PECAM1: variants seen among roughly 807,000 people sequenced by gnomAD.
PECAM1 encodes platelet and endothelial cell adhesion molecule 1.
In PECAM1, 8 loss-of-function variants were observed where a neutral mutation model predicts 13.8. That is an observed-to-expected ratio of 0.58 (90% CI 0.34 to 1.05). The LOEUF is 1.05. PECAM1 is among the 50% of genes least tolerant of loss of function. The pLI is 0.03. For synonymous variants in PECAM1, 136 were observed against 52.6 expected, an observed-to-expected ratio of 2.58 and a Z score of -6.86; for missense variants, 304 against 141.2, an observed-to-expected ratio of 2.15 and a Z score of -5.84.
chr17:64,360,362 C>T lies in PECAM1; in HGVS notation c.1270G>A (p.Gly424Arg). The T allele has an allele frequency of 2.1e-6, 1 of 475,362 alleles. No individual in the cohort carries two copies. 29.4% of individuals were successfully genotyped at this position (475,362 alleles called of 1,614,324 possible). ...SYDAQFEVIK[G>R]QTIEVRCESI... The stretch of plus-strand genomic sequence containing the variant: ...TCGCAACGGACTTCGATGGTCTGTC[C>T]TTTTATGACCTCAAACTGGGCATCA... Residue 424 changes from glycine to arginine, a missense_variant, in exon 7 of 16, where the codon GGA (glycine) becomes AGA (arginine). Gly to Arg is a moderately radical substitution (Grantham distance 125, BLOSUM62 -2). Transcript: ENST00000563924.
At chr17:64,350,529 A>T (rs2035694250) in intron 11 of PECAM1, 96 bp from the exon 12 acceptor site, 1 of 405,344 alleles carries the variant, frequency 2.5e-6, no homozygotes, top group African/African-American at 2.1e-5. Flanking sequence ...GTCAAGCCTG[A>T]TTTATTCAGT....
intron 15 of PECAM1, among the ~76,000 whole-genome samples, chr17:64,328,706 G>C (rs533339939): frequency 6.6e-6 from 1 of 152,208 alleles, no homozygotes; most frequent in East Asian, 1.9e-4. Flanking sequence ...AGGAAGCCAG[G>C]GGCCCACTGG....
At chr17:64,362,873 G>C (rs2036018729) in intron 6 of PECAM1, among the ~76,000 whole-genome samples, 1 of 151,702 alleles carries the variant, frequency 6.6e-6, no homozygotes, top group Non-Finnish European at 1.5e-5. Flanking sequence ...CATTGACTAA[G>C]TAGTGTTTCC....
At chr17:64,387,576 G>A (rs1340219080) in intron 2 of PECAM1, among the ~76,000 whole-genome samples, 3 of 152,154 alleles carry the variant, frequency 2.0e-5, no homozygotes, top group Non-Finnish European at 4.4e-5. Context: ...TGGGGTCCTG[G>A]GGGTGAGGAA....
rs2035846663 is a variant in PECAM1, at chr17:64,356,385, C to G, written c.1506G>C (p.Glu502Asp). 2.1e-6 allele frequency: 1 copy of G among 468,488 alleles called. No individual in the cohort carries two copies. The highest frequency in any genetic ancestry group is 3.9e-6 in the Non-Finnish European group (1 of 256,148). 29.0% of individuals were successfully genotyped at this position (468,488 alleles called of 1,614,324 possible). Reference protein sequence around the residue: ...LRVKVIAPVDEVQISILSSKV... With the variant: ...LRVKVIAPVDDVQISILSSKV... ...TACTTGACAGGATAGAAATCTGGACCTCATCCACCGGGGCTGAAAAGCAGG... is the reference window on the plus strand; with the variant it reads ...TACTTGACAGGATAGAAATCTGGACGTCATCCACCGGGGCTGAAAAGCAGG... The change falls in exon 8 of 16, where the codon GAG (glutamate) becomes GAC (aspartate). Residue 502 changes from glutamate to aspartate, a missense_variant. Glu to Asp is a conservative substitution (Grantham distance 45, BLOSUM62 2). Coordinates refer to ENST00000563924, the MANE Select transcript of PECAM1 (RefSeq NM_000442.5).
In PECAM1 at chr17:64,323,653, C is replaced by T. The variant is rs2034862271; in HGVS notation, c.*163G>A. On this transcript the variant is annotated 3_prime_UTR_variant, in exon 16 of 16. Coordinates refer to ENST00000563924, the MANE Select transcript of PECAM1 (RefSeq NM_000442.5). ...CTCTTTCTACCCAACATTAACTTAGCAGGATGGATTTAAGAACCGGCAGCT... is the reference window on the plus strand; with the variant it reads ...CTCTTTCTACCCAACATTAACTTAGTAGGATGGATTTAAGAACCGGCAGCT... 6.7e-7 allele frequency: 1 copy of T among 1,486,750 alleles called. No individual in the cohort carries two copies. Among genetic ancestry groups the T allele is most frequent in the Non-Finnish European group, 8.9e-7 (1 of 1,119,102 alleles). 92.1% of individuals were successfully genotyped at this position (1,486,750 alleles called of 1,614,324 possible).
At chr17:64,388,530 A>G (rs2036649220) in intron 2 of PECAM1, among the ~76,000 whole-genome samples, 1 of 152,224 alleles carries the variant, frequency 6.6e-6, no homozygotes, top group Non-Finnish European at 1.5e-5. Context: ...AACAAATCAA[A>G]GAGCTTAAGT....
rs12150420 is a variant in PECAM1, at chr17:64,346,012, G to T, written c.2107+2248C>A. 4.2e-3 allele frequency among the ~76,000 whole-genome samples: 639 copies of T among 152,300 alleles called. 5 individuals are homozygous for T. The highest frequency in any genetic ancestry group is 6.3e-3 in the Non-Finnish European group (429 of 68,024). On this transcript the variant is annotated intron_variant, in intron 13 of 15. Coordinates refer to ENST00000563924, the MANE Select transcript of PECAM1 (RefSeq NM_000442.5). ...ACTCCTCCCAGATCATGGAGCAAGG[G>T]GTGATTTCAGGACCCCATTGCCATG... is the stretch of plus-strand genomic sequence containing the variant.
intron 10 of PECAM1, among the ~76,000 whole-genome samples, 196 bp from the exon 11 acceptor site, chr17:64,352,659 C>CTTT (rs1194634725): frequency 2.1e-5 from 3 of 146,288 alleles, no homozygotes; most frequent in Non-Finnish European, 4.5e-5. Flanking sequence ...TGTAAAAAAA[C>CTTT]TTTTTTTTTT....
rs2035842114 is a variant in PECAM1, at chr17:64,356,189, C to T, written c.1702G>A (p.Gly568Arg). 2 of 474,828 alleles carry T rather than the reference C, an allele frequency of 4.2e-6. No homozygotes were observed. The highest frequency in any genetic ancestry group is 7.7e-6 in the Non-Finnish European group (2 of 259,030). The allele number at this position is 474,828 out of a possible 1,614,324, so 29.4% of individuals were successfully genotyped here. A position where few individuals can be genotyped will look rare whatever the true frequency, so the allele number is the denominator to read the frequency against. The change falls in exon 8 of 16, where the codon GGA becomes AGA. Residue 568 changes from glycine (G) to arginine (R), a missense_variant. Coordinates refer to ENST00000563924, the MANE Select transcript of PECAM1 (RefSeq NM_000442.5). Reference protein sequence around the residue: ...TKQKASKEQEGEYYCTAFNRA... With the variant: ...TKQKASKEQEREYYCTAFNRA... ...TTGAAGGCTGTGCAGTAATACTCTC[C>T]CTCCTGTTCCTTGCTAGCCTTCTGC...
chr17:64,333,108 G>A (rs991912430), intron 14 of PECAM1, among the ~76,000 whole-genome samples: 1 of 152,316 alleles, frequency 6.6e-6, no homozygotes, highest in Admixed American at 6.5e-5. Context: ...AACCAAGATC[G>A]TGCTATTGCA....
chr17:64,342,446 C>T (rs1027168968), intron 13 of PECAM1, among the ~76,000 whole-genome samples: 3 of 152,178 alleles, frequency 2.0e-5, no homozygotes, highest in African/African-American at 7.2e-5. Context: ...GGATCCAGAA[C>T]GAGATCCTGA....
At chr17:64,327,612 C>G (rs1206046105) in intron 15 of PECAM1, among the ~76,000 whole-genome samples, 1 of 152,192 alleles carries the variant, frequency 6.6e-6, no homozygotes, top group Non-Finnish European at 1.5e-5. Context: ...CTCACAAGTC[C>G]AGATTCACCC....
At chr17:64,368,335 G>C (rs1294219519) in intron 5 of PECAM1, among the ~76,000 whole-genome samples, 3 of 152,148 alleles carry the variant, frequency 2.0e-5, no homozygotes, top group Non-Finnish European at 4.4e-5. Context: ...AAGTACTTTA[G>C]AGGGAAATAA....
At chr17:64,364,313 GA>G (rs2036052814) in intron 5 of PECAM1, among the ~76,000 whole-genome samples, 1 of 152,082 alleles carries the variant, frequency 6.6e-6, no homozygotes, top group Non-Finnish European at 1.5e-5. Context: ...AACGGGATCT[GA>G]AATTGTGGCA....
intron 2 of PECAM1, among the ~76,000 whole-genome samples, chr17:64,389,729 C>CA (rs2036674913): frequency 1.3e-5 from 2 of 152,022 alleles, no homozygotes; most frequent in Admixed American, 6.6e-5. Context: ...CTCCCCATCC[C>CA]AAAAAACAGC....
chr17:64,381,683 G>A (rs2036483785), intron 2 of PECAM1, among the ~76,000 whole-genome samples: 1 of 152,190 alleles, frequency 6.6e-6, no homozygotes, highest in African/African-American at 2.4e-5. Context: ...ATGAAACAAG[G>A]TGACGGTTTA....
At chr17:64,329,631 T>C (rs569551699) in intron 15 of PECAM1, 69 bp downstream of exon 15, 27 of 720,082 alleles carry the variant, frequency 3.7e-5, no homozygotes, top group South Asian at 3.4e-4. Flanking sequence ...AGGACGTGGG[T>C]GAGTCTGGAA....
At chr17:64,390,229 A>G (rs2036686874) in intron 2 of PECAM1, 1 of 386,980 alleles carries the variant, frequency 2.6e-6, no homozygotes, top group South Asian at 1.4e-4. Flanking sequence ...TGACTAAACA[A>G]TTCATCAAGA....
Sources: allele counts gnomAD v4.1 joint callset (sites outside exome capture counted in the v4.1 genomes callset), GRCh38; gene constraint gnomAD v4.1.1; transcripts MANE v1.5; gene names NCBI Gene and HGNC (gene_info 2026-07-23, HGNC 2026-07-21).